Variants in ENTPD6 observed in about 807,000 individuals in gnomAD.
The protein encoded by ENTPD6 is ectonucleoside triphosphate diphosphohydrolase 6.
A neutral mutation model predicts 61.5 loss-of-function variants in ENTPD6; 46 were observed. That is an observed-to-expected ratio of 0.75 (90% CI 0.59 to 0.96). The LOEUF (loss-of-function observed/expected upper bound fraction) is 0.96. Ranked by LOEUF, ENTPD6 falls within the 40% of genes least tolerant of loss-of-function variation. The probability of loss-of-function intolerance (pLI) is 0.00; values close to 1 mark genes in which losing one functional copy is unlikely to be tolerated. For synonymous variants in ENTPD6, 252 were observed against 255.5 expected, an observed-to-expected ratio of 0.99 and a Z score of 0.13; for missense variants, 612 against 629.0, an observed-to-expected ratio of 0.97 and a Z score of 0.29.
intron 1 of ENTPD6, among the ~76,000 whole-genome samples, chr20:25,201,343 G>A (rs1341451894): frequency 2.0e-5 from 3 of 151,934 alleles, no homozygotes; most frequent in Non-Finnish European, 4.4e-5. Context: ...ATTCAAAGTG[G>A]GACATTTCAG....
chr20:25,213,435 A>T, intron 5 of ENTPD6, 29 bp downstream of exon 5: 1 of 1,578,642 alleles, frequency 6.3e-7, no homozygotes, highest in South Asian at 1.2e-5. Flanking sequence ...CAGTGCCATT[A>T]GCCAGCCCTC....
intron 1 of ENTPD6, chr20:25,196,996 G>A (rs1407465894): frequency 1.6e-5 from 10 of 619,738 alleles, no homozygotes; most frequent in Non-Finnish European, 2.0e-5. Context: ...ACAGCAGGTG[G>A]TGTTGACGGG....
chr20:25,195,905 G>C (rs974383206), intron 1 of ENTPD6, 38 bp downstream of exon 1: 9 of 1,228,334 alleles, frequency 7.3e-6, no homozygotes, highest in Middle Eastern at 3.1e-4. Context: ...GGGCGGCCGG[G>C]GATCACCGAC....
intron 9 of ENTPD6, among the ~76,000 whole-genome samples, chr20:25,218,257 C>T (rs769808168): frequency 2.1e-4 from 32 of 152,324 alleles, no homozygotes; most frequent in Non-Finnish European, 4.6e-4. Flanking sequence ...AGTCTTCAGT[C>T]GATTCTTGTT....
In ENTPD6 at chr20:25,218,539, C is replaced by T; in HGVS notation, c.879-11C>T. On this transcript the variant is annotated splice_polypyrimidine_tract_variant and intron_variant, in intron 9 of 14. Coordinates refer to ENST00000376652, the MANE Select transcript of ENTPD6 (RefSeq NM_001247.5). Reference sequence around the variant, plus strand: ...ATGGCAGCTGCCCTCACTGAGGTGTCATTCCCACAGCTACCTCGGGCTCGG... The same window carrying T: ...ATGGCAGCTGCCCTCACTGAGGTGTTATTCCCACAGCTACCTCGGGCTCGG... 6.2e-7 allele frequency: 1 copy of T among 1,600,842 alleles called. No individual in the cohort carries two copies. The highest frequency in any genetic ancestry group is 8.5e-7 in the Non-Finnish European group (1 of 1,175,988).
chr20:25,217,683 A>T, intron 9 of ENTPD6, 102 bp downstream of exon 9: 2 of 1,010,644 alleles, frequency 2.0e-6, no homozygotes, highest in Non-Finnish European at 3.1e-6. Context: ...AGATCTGGGA[A>T]TCCCTGTGCT....
chr20:25,225,593 C>T lies in ENTPD6; in HGVS notation c.1451C>T (p.Ser484Leu), dbSNP rs1255854885. The stretch of plus-strand genomic sequence containing the variant: ...CTGAACAGACAGAAGAGTCCAGCCT[C>T]ATAGTGGCCGAGCCATCCCTGTCCC... ...DSLNRQKSPA[S>L] The change falls in exon 15 of 15, where the codon TCA becomes TTA. Residue 484 changes from serine (S) to leucine (L), a missense_variant. Transcript: ENST00000376652. The T allele has an allele frequency of 9.9e-6, 16 of 1,613,506 alleles. No individual in the cohort carries two copies. The Admixed American group carries it at 2.5e-4, about 25-fold the overall frequency.
In ENTPD6 at chr20:25,224,098, CAG is replaced by C; in HGVS notation, c.1187-1_1187del. ...TGCAGACTGGGTGTTGTGTCTCCCA[CAG>C]ATGCGGAGAAGGGAGGCAGCCTGGT... is the stretch of plus-strand genomic sequence containing the variant. On this transcript the variant is annotated splice_acceptor_variant, in intron 12 of 14. Transcript: ENST00000376652. LOFTEE classifies it high-confidence loss of function. 6.2e-7 allele frequency: 1 copy of C among 1,611,476 alleles called. No individual in the cohort carries two copies. Among genetic ancestry groups the C allele is most frequent in the Non-Finnish European group, 8.5e-7 (1 of 1,178,770 alleles).
In ENTPD6 at chr20:25,206,545, A is replaced by AG; in HGVS notation, c.11dup (p.Ile5TyrfsTer4). On this transcript the variant is annotated frameshift_variant, in exon 2 of 15. Coordinates refer to ENST00000376652, the MANE Select transcript of ENTPD6 (RefSeq NM_001247.5). LOFTEE classifies it high-confidence loss of function. Reference sequence around the variant, plus strand: ...AGGAATGGGCTATGTGAATGAAAAAAGGTATCCGTTATGAAACTTCCAGAA... The same window carrying AG: ...AGGAATGGGCTATGTGAATGAAAAAAGGGTATCCGTTATGAAACTTCCAGAA... The AG allele has an allele frequency of 6.2e-7, 1 of 1,613,542 alleles. No individual in the cohort carries two copies.
intron 1 of ENTPD6, among the ~76,000 whole-genome samples, chr20:25,200,800 T>A (rs553473377): frequency 6.7e-6 from 1 of 148,748 alleles, no homozygotes; most frequent in Non-Finnish European, 1.5e-5. Flanking sequence ...TCTTTATTAT[T>A]TTCCTCCTCC....
At chr20:25,209,790 G>T in intron 3 of ENTPD6, 59 bp from the exon 4 acceptor site, 2 of 1,425,818 alleles carry the variant, frequency 1.4e-6, no homozygotes, top group Non-Finnish European at 9.9e-7. Flanking sequence ...AGTCATGATT[G>T]TATGTGTTCT....
At position 25,225,914 on chromosome 20, in the gene ENTPD6, GCC is replaced by G; in HGVS notation, c.*320_*321del. On this transcript the variant is annotated 3_prime_UTR_variant, in exon 15 of 15. Coordinates refer to ENST00000376652, the MANE Select transcript of ENTPD6 (RefSeq NM_001247.5). ...GGCTCCCTGCCTGTCCCATCCCCATGCCCCGTCCGCGGGGCTGTGGCTGCTGC... is the reference window on the plus strand; with the variant it reads ...GGCTCCCTGCCTGTCCCATCCCCATGCCGTCCGCGGGGCTGTGGCTGCTGC... 4.0e-6 allele frequency: 1 copy of G among 252,428 alleles called. No individual in the cohort carries two copies. The highest frequency in any genetic ancestry group is 1.0e-4 in the South Asian group (1 of 9,692). 15.6% of individuals were successfully genotyped at this position (252,428 alleles called of 1,614,324 possible). A position where few individuals can be genotyped will look rare whatever the true frequency, so the allele number is the denominator to read the frequency against.
At chr20:25,218,716 G>A in intron 10 of ENTPD6, 102 bp downstream of exon 10, 12 of 1,212,304 alleles carry the variant, frequency 9.9e-6, no homozygotes, top group Non-Finnish European at 1.4e-5. Context: ...GGCCCTGCAG[G>A]AGAGGTCCCT....
chr20:25,197,003 C>A (rs73339015), intron 1 of ENTPD6: 1 of 742,038 alleles, frequency 1.3e-6, no homozygotes, highest in Non-Finnish European at 1.6e-6. Flanking sequence ...GTGGTGTTGA[C>A]GGGCGGTTCA....
intron 10 of ENTPD6, among the ~76,000 whole-genome samples, chr20:25,219,271 A>G (rs2092518533): frequency 6.6e-6 from 1 of 152,204 alleles, no homozygotes; most frequent in South Asian, 2.1e-4. Flanking sequence ...CTCATCCCCT[A>G]CATTGGGAGC....
intron 4 of ENTPD6, among the ~76,000 whole-genome samples, chr20:25,211,667 C>G (rs2091968486): frequency 6.6e-6 from 1 of 152,200 alleles, no homozygotes. Context: ...TGCATGGATG[C>G]TGCACACTTA....
Position 25,217,277 on chromosome 20 carries a change from G to A in ENTPD6, c.799-225G>A, listed in dbSNP as rs149048626. The stretch of plus-strand genomic sequence containing the variant: ...ATATGATCGTCGTCATGTCTGGGCC[G>A]TGTTTGTCAGCATGGGAGAGGTTGC... On this transcript the variant is annotated intron_variant, in intron 8 of 14. Coordinates refer to ENST00000376652, the MANE Select transcript of ENTPD6 (RefSeq NM_001247.5). Among the ~76,000 whole-genome samples the A allele has an allele frequency of 2.2e-3, 331 of 152,234 alleles. 1 individual carries two copies. Among genetic ancestry groups the A allele is most frequent in the African/African-American group, 7.0e-3 (291 of 41,534 alleles).
chr20:25,204,768 G>T (rs541546548), intron 1 of ENTPD6, among the ~76,000 whole-genome samples: 1 of 152,220 alleles, frequency 6.6e-6, no homozygotes, highest in Non-Finnish European at 1.5e-5. Flanking sequence ...TGGGAACCGG[G>T]CTGCCGCATT....
intron 7 of ENTPD6, among the ~76,000 whole-genome samples, 154 bp from the exon 8 acceptor site, chr20:25,216,494 G>GAT (rs1195907562): frequency 6.6e-6 from 1 of 152,170 alleles, no homozygotes. Context: ...TTGTCCCTTA[G>GAT]ATATATAGTG....
Sources: gnomAD v4.1 joint callset for allele counts (sites outside exome capture counted in the v4.1 genomes callset) on GRCh38, gnomAD v4.1.1 for gene constraint, MANE v1.5 for transcripts, NCBI Gene and HGNC (gene_info 2026-07-23, HGNC 2026-07-21) for gene names.